The following CWC27 variants were observed in gnomAD, a reference collection of about 807,000 sequenced individuals.
CWC27 encodes spliceosome-associated protein CWC27 homolog.
CWC27 carries 47 observed loss-of-function variants against 63.6 expected under a neutral mutation model. The ratio of observed to expected loss-of-function variants is 0.74; its 90% CI spans 0.58 to 0.94. CWC27 has a LOEUF of 0.94. Ranked by LOEUF, CWC27 falls within the 40% of genes least tolerant of loss-of-function variation. The probability of loss-of-function intolerance (pLI) is 0.00; values close to 1 mark genes in which losing one functional copy is unlikely to be tolerated. For synonymous variants in CWC27, 175 were observed against 179.8 expected (o/e 0.97, Z 0.22); for missense variants, 495 against 554.3 (o/e 0.89, Z 1.07).
At chr5:64,800,151 A>G (rs1384784187) in intron 7 of CWC27, 97 bp from the exon 8 acceptor site, 16 of 778,584 alleles carry the variant, frequency 2.1e-5, no homozygotes, top group Non-Finnish European at 3.3e-5. Context: ...TGCTAACCAT[A>G]TTATATCATT....
chr5:64,946,428 G>T (rs1462470931), intron 11 of CWC27, among the ~76,000 whole-genome samples: 2 of 152,164 alleles, frequency 1.3e-5, no homozygotes, highest in Non-Finnish European at 2.9e-5. Context: ...TCTAGATTTT[G>T]TGGCACCTTT....
chr5:64,947,405 C>T (rs957102101), intron 11 of CWC27, among the ~76,000 whole-genome samples: 7 of 151,990 alleles, frequency 4.6e-5, no homozygotes, highest in African/African-American at 1.7e-4. Flanking sequence ...TGATACTTGC[C>T]CATGCATATA....
At chr5:64,916,884 A>AG (rs1222654735) in intron 11 of CWC27, among the ~76,000 whole-genome samples, 37 of 133,244 alleles carry the variant, frequency 2.8e-4, no homozygotes, top group African/African-American at 5.8e-4. Context: ...CAGTAGTAGT[A>AG]TTAGTAGTAG....
intron 6 of CWC27, among the ~76,000 whole-genome samples, chr5:64,788,519 TAAAATATTAA>T (rs1449930898): frequency 6.6e-6 from 1 of 151,988 alleles, no homozygotes. Flanking sequence ...ATATTAATTT[TAAAATATTAA>T]AAAATATTTT....
At chr5:64,967,046 T>C (rs1175443379) in intron 11 of CWC27, among the ~76,000 whole-genome samples, 1 of 152,106 alleles carries the variant, frequency 6.6e-6, no homozygotes, top group Non-Finnish European at 1.5e-5. Flanking sequence ...GAGGTACTGC[T>C]TTTTGCTCTC....
intron 3 of CWC27, among the ~76,000 whole-genome samples, chr5:64,783,064 A>G (rs922680183): frequency 4.6e-5 from 7 of 152,310 alleles, no homozygotes; most frequent in African/African-American, 1.4e-4. Flanking sequence ...GGTCATTTTG[A>G]ATACAGTATA....
At chr5:64,775,450 C>T (rs1743407287) in intron 2 of CWC27, among the ~76,000 whole-genome samples, 1 of 152,162 alleles carries the variant, frequency 6.6e-6, no homozygotes, top group South Asian at 2.1e-4. Context: ...GCACTAACCA[C>T]ATGGTTTTAG....
intron 2 of CWC27, among the ~76,000 whole-genome samples, chr5:64,780,668 A>G (rs1361564740): frequency 1.5e-5 from 2 of 136,692 alleles, no homozygotes; most frequent in Non-Finnish European, 3.1e-5. Flanking sequence ...ATAAACATAT[A>G]TATCACTTGT....
chr5:64,876,115 C>T (rs1332376268), intron 10 of CWC27, among the ~76,000 whole-genome samples: 1 of 152,048 alleles, frequency 6.6e-6, no homozygotes, highest in African/African-American at 2.4e-5. Flanking sequence ...TAGATATTTG[C>T]ATGATATAAG....
chr5:64,908,642 C>G (rs891098100), intron 11 of CWC27, among the ~76,000 whole-genome samples: 3 of 152,148 alleles, frequency 2.0e-5, no homozygotes, highest in Non-Finnish European at 2.9e-5. Flanking sequence ...ATGTAATGGC[C>G]TTCTTTGTCT....
intron 11 of CWC27, among the ~76,000 whole-genome samples, chr5:64,920,845 T>C (rs1747982347): frequency 6.6e-6 from 1 of 152,180 alleles, no homozygotes; most frequent in Non-Finnish European, 1.5e-5. Flanking sequence ...CTTCTCTCTT[T>C]TTTTTCTTTG....
intron 10 of CWC27, among the ~76,000 whole-genome samples, chr5:64,828,051 T>C (rs750433543): frequency 6.6e-6 from 1 of 152,140 alleles, no homozygotes; most frequent in Non-Finnish European, 1.5e-5. Context: ...TTTCCGCAGT[T>C]TTATCCACTG....
At chr5:64,799,682 A>G (rs111541475) in intron 7 of CWC27, among the ~76,000 whole-genome samples, 2 of 151,332 alleles carry the variant, frequency 1.3e-5, no homozygotes, top group African/African-American at 2.4e-5. Flanking sequence ...TAAAATGTAC[A>G]TTTTTTGAAA....
chr5:64,955,962 C>G (rs973767021), intron 11 of CWC27, among the ~76,000 whole-genome samples: 1 of 152,084 alleles, frequency 6.6e-6, no homozygotes, highest in Non-Finnish European at 1.5e-5. Context: ...CTTGCAGTCA[C>G]TAAACTACTA....
intron 10 of CWC27, among the ~76,000 whole-genome samples, chr5:64,884,912 T>C (rs1019733966): frequency 3.3e-5 from 5 of 152,102 alleles, no homozygotes; most frequent in Non-Finnish European, 7.4e-5. Flanking sequence ...AGGAAATGTA[T>C]ATGCCAAACT....
intron 11 of CWC27, among the ~76,000 whole-genome samples, chr5:64,888,028 A>G (rs1747118635): frequency 2.0e-5 from 3 of 152,168 alleles, no homozygotes; most frequent in Admixed American, 2.0e-4. Context: ...CTTAGTGCCC[A>G]GCTCTTGCTT....
chr5:64,956,962 T>G (rs1315522159), intron 11 of CWC27, among the ~76,000 whole-genome samples: 1 of 151,894 alleles, frequency 6.6e-6, no homozygotes. Flanking sequence ...AAAAAAATGG[T>G]GATGGTGCTG....
rs1238819839 is a variant in CWC27 at position 64,783,851 on chromosome 5, C to T, written c.268C>T (p.Arg90Trp). ...TACATTTCAGGATGAATTTCATTCA[C>T]GGTTGCGTTTTAATCGGAGAGGACT... Reference protein sequence around the residue: ...GAPFKDEFHSRLRFNRRGLVA... With the variant: ...GAPFKDEFHSWLRFNRRGLVA... Residue 90 changes from arginine to tryptophan, a missense_variant, in exon 4 of 14, where the codon CGG (arginine) becomes TGG (tryptophan). Coordinates refer to ENST00000381070, the MANE Select transcript of CWC27 (RefSeq NM_005869.4). 12 of 1,576,480 alleles carry T rather than the reference C, an allele frequency of 7.6e-6. No homozygotes were observed. The highest frequency in any genetic ancestry group is 1.0e-5 in the Non-Finnish European group (12 of 1,164,862).
intron 13 of CWC27, among the ~76,000 whole-genome samples, chr5:64,978,105 T>C (rs1749263107): frequency 6.6e-6 from 1 of 152,088 alleles, no homozygotes; most frequent in African/African-American, 2.4e-5. Flanking sequence ...AACACTCCCA[T>C]CCTTCAGGAA....
Sources: gnomAD v4.1 joint callset for allele counts (sites outside exome capture counted in the v4.1 genomes callset) on GRCh38, gnomAD v4.1.1 for gene constraint, MANE v1.5 for transcripts, NCBI Gene and HGNC (gene_info 2026-07-23, HGNC 2026-07-21) for gene names.